The following SPOCK1 variants were observed in gnomAD, a reference collection of about 807,000 sequenced individuals.
The protein encoded by SPOCK1 is testican-1.
Under a neutral mutation model 55.3 loss-of-function variants are expected in SPOCK1, and 23 were observed. That is an observed-to-expected ratio of 0.42 (90% CI 0.30 to 0.59). The LOEUF (loss-of-function observed/expected upper bound fraction) is 0.59. Ranked by LOEUF, SPOCK1 falls within the 20% of genes least tolerant of loss-of-function variation. SPOCK1 has a pLI of 0.22. For missense variants in SPOCK1, 499 were observed against 552.5 expected, an observed-to-expected ratio of 0.90 and a Z score of 0.97; for synonymous variants, 226 against 221.0, an observed-to-expected ratio of 1.02 and a Z score of -0.20.
At chr5:137,085,958 C>T (rs757838709) in intron 5 of SPOCK1, among the ~76,000 whole-genome samples, 15 of 152,192 alleles carry the variant, frequency 9.9e-5, no homozygotes, top group Non-Finnish European at 1.8e-4. Flanking sequence ...TTTTCTGCAA[C>T]ATCATAGTTG....
intron 4 of SPOCK1, among the ~76,000 whole-genome samples, chr5:137,121,831 TTATTA>T (rs1561617079): frequency 6.8e-6 from 1 of 146,702 alleles, no homozygotes; most frequent in African/African-American, 2.5e-5. Flanking sequence ...ATTATCCCTA[TTATTA>T]TATTTTATAA....
At chr5:137,071,525 TTC>T (rs1334169471) in intron 5 of SPOCK1, among the ~76,000 whole-genome samples, 1 of 152,238 alleles carries the variant, frequency 6.6e-6, no homozygotes, top group Non-Finnish European at 1.5e-5. Flanking sequence ...GAGGCTTTTG[TTC>T]TGTTACTAAG....
intron 2 of SPOCK1, among the ~76,000 whole-genome samples, chr5:137,410,495 T>C (rs1752186828): frequency 6.6e-6 from 1 of 152,220 alleles, no homozygotes; most frequent in Non-Finnish European, 1.5e-5. Context: ...ATCATCTCAT[T>C]GGCTGCATGG....
chr5:137,383,517 G>C (rs1045091193), intron 2 of SPOCK1, among the ~76,000 whole-genome samples: 6 of 152,200 alleles, frequency 3.9e-5, no homozygotes, highest in African/African-American at 1.4e-4. Context: ...CAGCCAGCCT[G>C]TGTGAAAGGC....
At chr5:137,030,837 G>A (rs1174259929) in intron 6 of SPOCK1, among the ~76,000 whole-genome samples, 3 of 152,070 alleles carry the variant, frequency 2.0e-5, no homozygotes, top group African/African-American at 4.8e-5. Context: ...ACTTAAACCT[G>A]GCAACTAGTT....
At chr5:137,483,356 T>C (rs1387790413) in intron 2 of SPOCK1, among the ~76,000 whole-genome samples, 3 of 152,022 alleles carry the variant, frequency 2.0e-5, no homozygotes, top group Admixed American at 6.6e-5. Context: ...AAATAAAAAG[T>C]AATGTATTTG....
chr5:137,483,742 C>T (rs1753995855), intron 2 of SPOCK1, among the ~76,000 whole-genome samples: 1 of 152,146 alleles, frequency 6.6e-6, no homozygotes, highest in Non-Finnish European at 1.5e-5. Context: ...GCACACTCTC[C>T]AACCAGTATG....
chr5:136,976,173 T>TA lies in SPOCK1; in HGVS notation c.*2480dup, dbSNP rs1324433416. The stretch of plus-strand genomic sequence containing the variant: ...ACTCATGGAAAGTATTAAAGATCTT[T>TA]AAAAAAATCGAATGCTGTCATGTCA... On this transcript the variant is annotated 3_prime_UTR_variant, in exon 11 of 11. Transcript: ENST00000394945. 2.0e-5 allele frequency: 3 copies of TA among 152,298 alleles called. No homozygotes were observed. The highest frequency in any genetic ancestry group is 3.9e-4 in the East Asian group (2 of 5,180). The allele number at this position is 152,298 out of a possible 1,614,324, so 9.4% of individuals were successfully genotyped here. A position where few individuals can be genotyped will look rare whatever the true frequency, so the allele number is the denominator to read the frequency against.
At chr5:137,123,189 A>C (rs1472551927) in intron 4 of SPOCK1, among the ~76,000 whole-genome samples, 2 of 152,200 alleles carry the variant, frequency 1.3e-5, no homozygotes, top group South Asian at 2.1e-4. Context: ...CTTCACAGTC[A>C]GTGTTGGAGG....
chr5:136,997,884 C>T (rs2126967144), intron 6 of SPOCK1, among the ~76,000 whole-genome samples: 1 of 152,328 alleles, frequency 6.6e-6, no homozygotes, highest in South Asian at 2.1e-4. Flanking sequence ...CTCTGCCCAG[C>T]ACTGGGGACC....
At chr5:137,273,892 T>C (rs894874138) in intron 2 of SPOCK1, among the ~76,000 whole-genome samples, 2 of 152,192 alleles carry the variant, frequency 1.3e-5, no homozygotes, top group East Asian at 1.9e-4. Flanking sequence ...GAGAAAGATA[T>C]GGATTTATGT....
intron 2 of SPOCK1, among the ~76,000 whole-genome samples, chr5:137,335,447 T>G (rs1198665438): frequency 1.3e-5 from 2 of 152,248 alleles, no homozygotes; most frequent in East Asian, 3.8e-4. Flanking sequence ...TCCTGTGTAT[T>G]CCAAATTTTT....
chr5:137,032,570 G>A (rs569114442), intron 6 of SPOCK1, among the ~76,000 whole-genome samples: 9 of 152,168 alleles, frequency 5.9e-5, no homozygotes, highest in Admixed American at 1.3e-4. Context: ...GAATAGAAGT[G>A]TGGGCTCCTG....
chr5:137,273,261 C>T (rs1160915171), intron 2 of SPOCK1: 1 of 547,624 alleles, frequency 1.8e-6, no homozygotes, highest in Non-Finnish European at 2.3e-6. Flanking sequence ...TACTGGTTCA[C>T]TGAACTAAAA....
intron 3 of SPOCK1, among the ~76,000 whole-genome samples, chr5:137,249,878 A>T (rs1756473537): frequency 6.6e-6 from 1 of 152,188 alleles, no homozygotes; most frequent in Non-Finnish European, 1.5e-5. Flanking sequence ...AGAAATAAAC[A>T]GTTGACAATC....
rs545025088 is a variant in SPOCK1 at position 137,278,595 on chromosome 5, A to G, written c.187-11540T>C. 5.3e-4 allele frequency among the ~76,000 whole-genome samples: 80 copies of G among 152,246 alleles called. 3 individuals carry two copies. The highest frequency in any genetic ancestry group is 5.1e-3 in the Admixed American group (78 of 15,298). On this transcript the variant is annotated intron_variant, in intron 2 of 10. Transcript: ENST00000394945. Reference sequence around the variant, plus strand: ...GGCTCTCCACAGAACCCACACTCCCAAAGGCTGCGGGGTCAAGGAGTCCTG... The same window carrying G: ...GGCTCTCCACAGAACCCACACTCCCGAAGGCTGCGGGGTCAAGGAGTCCTG...
chr5:137,086,624 TCCACCATTCCTGCATCCA>T (rs1752966970), intron 5 of SPOCK1, among the ~76,000 whole-genome samples: 1 of 152,192 alleles, frequency 6.6e-6, no homozygotes, highest in South Asian at 2.1e-4. Flanking sequence ...ATTCACTCCC[TCCACCATTCCTGCATCCA>T]CTGAGTAGGT....
At chr5:137,369,108 G>T (rs1751141766) in intron 2 of SPOCK1, among the ~76,000 whole-genome samples, 2 of 152,218 alleles carry the variant, frequency 1.3e-5, no homozygotes. Flanking sequence ...GGCTGAGTTG[G>T]ACCCATGTGG....
intron 5 of SPOCK1, among the ~76,000 whole-genome samples, chr5:137,085,892 G>A (rs1472080549): frequency 1.3e-5 from 2 of 152,138 alleles, no homozygotes; most frequent in Non-Finnish European, 2.9e-5. Flanking sequence ...CCCCAATAGT[G>A]TTATTCCAGG....
Sources: gnomAD v4.1 joint callset for allele counts (sites outside exome capture counted in the v4.1 genomes callset) on GRCh38, gnomAD v4.1.1 for gene constraint, MANE v1.5 for transcripts, NCBI Gene and HGNC (gene_info 2026-07-23, HGNC 2026-07-21) for gene names.